FSTL5: variants seen among roughly 807,000 people sequenced by gnomAD.
FSTL5 encodes the protein follistatin-related protein 5.
FSTL5 carries 62 observed loss-of-function variants against 89.1 expected under a neutral mutation model. The ratio of observed to expected loss-of-function variants is 0.70; its 90% confidence interval spans 0.57 to 0.86. The LOEUF is 0.86. Ranked by LOEUF, FSTL5 falls within the 40% of genes least tolerant of loss-of-function variation. The pLI is 0.00. For synonymous variants in FSTL5, 383 were observed against 346.2 expected (o/e 1.11, Z -1.18); for missense variants, 1,057 against 1,001.6 (o/e 1.06, Z -0.75).
At chr4:162,060,745 A>G (rs1372041703) in intron 2 of FSTL5, among the ~76,000 whole-genome samples, 1 of 152,052 alleles carries the variant, frequency 6.6e-6, no homozygotes, top group East Asian at 1.9e-4. Flanking sequence ...GTGATATATC[A>G]TGTATTCTGT....
intron 4 of FSTL5, among the ~76,000 whole-genome samples, chr4:161,907,150 C>A (rs1173148492): frequency 2.0e-5 from 3 of 152,064 alleles, no homozygotes; most frequent in Non-Finnish European, 2.9e-5. Flanking sequence ...TTAATTAAAT[C>A]CCCAAATCCC....
At chr4:161,597,354 T>C (rs981733045) in intron 7 of FSTL5, among the ~76,000 whole-genome samples, 3 of 151,696 alleles carry the variant, frequency 2.0e-5, no homozygotes, top group African/African-American at 7.3e-5. Context: ...CTGGAAACCA[T>C]CATTCTCAGC....
chr4:161,946,487 G>C (rs536165464), intron 3 of FSTL5, among the ~76,000 whole-genome samples: 1 of 152,068 alleles, frequency 6.6e-6, no homozygotes, highest in Non-Finnish European at 1.5e-5. Context: ...GATGCCTTCA[G>C]GTGTGATTGA....
chr4:162,111,749 G>A (rs140404384), intron 1 of FSTL5, among the ~76,000 whole-genome samples: 217 of 151,926 alleles, frequency 1.4e-3, no homozygotes, highest in African/African-American at 5.0e-3. Context: ...TCTAATTATC[G>A]GTACAGAATA....
chr4:161,823,798 G>C (rs1409424989), intron 4 of FSTL5, among the ~76,000 whole-genome samples: 1 of 152,174 alleles, frequency 6.6e-6, no homozygotes, highest in Non-Finnish European at 1.5e-5. Context: ...CAATATGTTT[G>C]TTGGCCATTT....
chr4:161,758,311 T>C (rs879777761), intron 6 of FSTL5, among the ~76,000 whole-genome samples: 8 of 152,180 alleles, frequency 5.3e-5, no homozygotes, highest in Non-Finnish European at 8.8e-5. Context: ...CAAGTACGTA[T>C]TCTACTTCCT....
At chr4:161,552,179 T>C (rs72685750) in intron 8 of FSTL5, among the ~76,000 whole-genome samples, 11,288 of 151,942 alleles carry the variant, frequency 0.074, 537 homozygotes, top group Middle Eastern at 0.16. Context: ...GTTTAAAATA[T>C]TTAGACTAAT....
chr4:161,544,427 G>A (rs969460521), intron 8 of FSTL5, among the ~76,000 whole-genome samples: 5 of 151,950 alleles, frequency 3.3e-5, no homozygotes, highest in Admixed American at 6.6e-5. Flanking sequence ...CGTTCACAAT[G>A]GGCAAATCCA....
chr4:161,442,633 C>A (rs1397571312), intron 15 of FSTL5, among the ~76,000 whole-genome samples: 1 of 151,974 alleles, frequency 6.6e-6, no homozygotes, highest in Non-Finnish European at 1.5e-5. Flanking sequence ...TTCCTAAGTG[C>A]ATTATTTTTC....
rs74562859 is a variant in FSTL5 at position 161,440,466 on chromosome 4, G to A, written c.1841+14538C>T. On this transcript the variant is annotated intron_variant, in intron 15 of 15. Transcript: ENST00000306100. ...AAATTTTGTGATATCTCCCACAACAGATAAGCAAAAAAGTCCCGCATTCAA... is the reference window on the plus strand; with the variant it reads ...AAATTTTGTGATATCTCCCACAACAAATAAGCAAAAAAGTCCCGCATTCAA... Among the ~76,000 whole-genome samples, 327 of 152,132 alleles carry A rather than the reference G, an allele frequency of 2.1e-3. 1 individual carries two copies. Among genetic ancestry groups the A allele is most frequent in the African/African-American group, 7.1e-3 (296 of 41,526 alleles).
chr4:161,685,353 A>C (rs927090958), intron 6 of FSTL5, among the ~76,000 whole-genome samples: 6 of 152,158 alleles, frequency 3.9e-5, no homozygotes, highest in Non-Finnish European at 5.9e-5. Flanking sequence ...GGTCGTTTTC[A>C]CAGTATTGAT....
chr4:161,415,641 T>C (rs1325419382), intron 15 of FSTL5, among the ~76,000 whole-genome samples: 1 of 150,192 alleles, frequency 6.7e-6, no homozygotes, highest in Non-Finnish European at 1.5e-5. Context: ...ATATGTTGTA[T>C]TATAGGGGAT....
chr4:161,790,141 T>C (rs1006776486), intron 4 of FSTL5, among the ~76,000 whole-genome samples: 7 of 152,198 alleles, frequency 4.6e-5, no homozygotes, highest in Non-Finnish European at 8.8e-5. Context: ...TACAAGGCCA[T>C]AGAGTAAACA....
intron 4 of FSTL5, among the ~76,000 whole-genome samples, chr4:161,874,215 G>A (rs963591331): frequency 6.6e-6 from 1 of 151,906 alleles, no homozygotes; most frequent in Non-Finnish European, 1.5e-5. Context: ...TATTTTTAAT[G>A]TTATAGACAT....
At chr4:161,977,612 C>CAAAAAAAAAAAAAAAAAAAAA (rs796909244) in intron 3 of FSTL5, among the ~76,000 whole-genome samples, 2 of 95,138 alleles carry the variant, frequency 2.1e-5, no homozygotes, top group Admixed American at 1.2e-4. Flanking sequence ...GACTCCGTGT[C>CAAAAAAAAAAAAAAAAAAAAA]AAAAAAAAAA....
chr4:162,139,047 T>A (rs1732625214), intron 1 of FSTL5, among the ~76,000 whole-genome samples: 1 of 152,238 alleles, frequency 6.6e-6, no homozygotes, highest in Non-Finnish European at 1.5e-5. Context: ...AATTAAAATC[T>A]TAATAGGTTT....
chr4:161,839,554 CAT>C (rs1265761146), intron 4 of FSTL5, among the ~76,000 whole-genome samples: 8 of 152,054 alleles, frequency 5.3e-5, no homozygotes, highest in Non-Finnish European at 7.4e-5. Context: ...ATCTCACAAA[CAT>C]ATGTGAATCT....
chr4:161,420,068 G>A lies in FSTL5; in HGVS notation c.1842-33619C>T, dbSNP rs184027072. 1.8e-4 allele frequency among the ~76,000 whole-genome samples: 27 copies of A among 152,324 alleles called. No individual in the cohort carries two copies. In the East Asian group the frequency reaches 5.2e-3, roughly 29 times the overall value. ...ATGGAGGTAAGAAAGAATATGTCTG[G>A]AACAAAGAGGGCCCCTTGGGGCGTC... On this transcript the variant is annotated intron_variant, in intron 15 of 15. Coordinates refer to ENST00000306100, the MANE Select transcript of FSTL5 (RefSeq NM_020116.5).
At chr4:161,842,483 T>C (rs1276744334) in intron 4 of FSTL5, among the ~76,000 whole-genome samples, 1 of 152,212 alleles carries the variant, frequency 6.6e-6, no homozygotes, top group Non-Finnish European at 1.5e-5. Flanking sequence ...CACTACTTAA[T>C]AATTACCATA....
Sources: allele counts gnomAD v4.1 joint callset (sites outside exome capture counted in the v4.1 genomes callset), GRCh38; gene constraint gnomAD v4.1.1; transcripts MANE v1.5; gene names NCBI Gene and HGNC (gene_info 2026-07-23, HGNC 2026-07-21).